Variants in PIKFYVE observed in about 807,000 individuals in gnomAD.
The protein encoded by PIKFYVE is phosphoinositide kinase, FYVE-type zinc finger containing, also known as 1-phosphatidylinositol 3-phosphate 5-kinase.
In PIKFYVE, 122 loss-of-function variants were observed where a neutral mutation model predicts 257.9. The observed-to-expected ratio is 0.47, with a 90% CI of 0.41 to 0.55. PIKFYVE has a LOEUF of 0.55. PIKFYVE is among the 20% of genes least tolerant of loss of function. The pLI, the probability that PIKFYVE is intolerant of heterozygous loss-of-function variation, is 0.00. For synonymous variants in PIKFYVE, 892 were observed against 868.9 expected, an observed-to-expected ratio of 1.03 and a Z score of -0.47; for missense variants, 2,160 against 2,536.6, an observed-to-expected ratio of 0.85 and a Z score of 3.19.
chr2:208,286,605 T>C (rs1024768801), intron 6 of PIKFYVE, among the ~76,000 whole-genome samples: 18 of 152,138 alleles, frequency 1.2e-4, no homozygotes, highest in African/African-American at 4.3e-4. Flanking sequence ...GGCGTGATCA[T>C]AGCTCAGGGC....
chr2:208,324,052 C>T (rs1006577437), intron 17 of PIKFYVE, 90 bp from the exon 18 acceptor site: 120 of 1,419,238 alleles, frequency 8.5e-5, no homozygotes, highest in African/African-American at 4.5e-4. Context: ...TTCTCCCATT[C>T]TGTAGGTTGC....
chr2:208,309,672 C>T (rs1694738828), intron 12 of PIKFYVE, among the ~76,000 whole-genome samples: 1 of 152,170 alleles, frequency 6.6e-6, no homozygotes, highest in African/African-American at 2.4e-5. Context: ...ATTTATTTTG[C>T]ATATGGCTGA....
At chr2:208,280,870 GCT>G (rs1690716211) in intron 5 of PIKFYVE, among the ~76,000 whole-genome samples, 1 of 152,136 alleles carries the variant, frequency 6.6e-6, no homozygotes, top group Non-Finnish European at 1.5e-5. Flanking sequence ...CATCTCTTAG[GCT>G]ATTCTGATTA....
intron 7 of PIKFYVE, among the ~76,000 whole-genome samples, chr2:208,292,830 A>G (rs1692484399): frequency 6.6e-6 from 1 of 152,004 alleles, no homozygotes; most frequent in African/African-American, 2.4e-5. Context: ...TCTTGTAGAC[A>G]ATGTATTTTT....
rs1693329459 is a variant in PIKFYVE at position 208,298,902 on chromosome 2, G to C, written c.1050+123G>C. 4 of 1,275,346 alleles carry C rather than the reference G, an allele frequency of 3.1e-6. No individual in the cohort carries two copies. In the Admixed American group the frequency reaches 5.9e-5, roughly 19 times the overall value. The allele number at this position is 1,275,346 out of a possible 1,614,324, so 79.0% of individuals were successfully genotyped here. The stretch of plus-strand genomic sequence containing the variant: ...GTGCTGCCCAGGCTGGGGTGCAGTG[G>C]TGTGATCTTGGCTCCCTGCAACCTC... On this transcript the variant is annotated intron_variant, in intron 8 of 41. Transcript: ENST00000264380.
intron 38 of PIKFYVE, among the ~76,000 whole-genome samples, chr2:208,352,382 G>A (rs1474811174): frequency 3.3e-5 from 5 of 151,790 alleles, no homozygotes; most frequent in South Asian, 2.1e-4. Flanking sequence ...GGTTTATTAC[G>A]TAGTATTGGG....
At chr2:208,323,690 T>A (rs557308653) in intron 17 of PIKFYVE, among the ~76,000 whole-genome samples, 6 of 152,340 alleles carry the variant, frequency 3.9e-5, no homozygotes, top group Admixed American at 3.3e-4. Flanking sequence ...CACCACACTG[T>A]CTTCCACAAT....
At position 208,321,607 on chromosome 2, in the gene PIKFYVE, C is replaced by G. The variant is rs1413724391; in HGVS notation, c.2190+1248C>G. On this transcript the variant is annotated intron_variant, in intron 17 of 41. Transcript: ENST00000264380. ...TTTTTTTTTTTTTGAGACGAAGTCT[C>G]GCTCTTGTCCCCCAGGCTGGAGCGC... Among the ~76,000 whole-genome samples, 25 of 125,826 alleles carry G rather than the reference C, an allele frequency of 2.0e-4. No homozygotes were observed. The South Asian group carries it at 2.4e-3, about 12-fold the overall frequency. The allele number at this position is 125,826 out of a possible 152,430, so 82.5% of individuals were successfully genotyped here. A position where few individuals can be genotyped will look rare whatever the true frequency, so the allele number is the denominator to read the frequency against.
chr2:208,345,978 T>G (rs1699188282), intron 33 of PIKFYVE, 72 bp from the exon 34 acceptor site: 1 of 1,036,124 alleles, frequency 9.7e-7, no homozygotes, highest in Non-Finnish European at 1.5e-6. Context: ...GCGTAATTAG[T>G]GTAGAGTACT....
chr2:208,354,547 A>T, intron 40 of PIKFYVE, 24 bp from the exon 41 acceptor site: 1 of 1,565,518 alleles, frequency 6.4e-7, no homozygotes, highest in Non-Finnish European at 8.8e-7. Context: ...CTTTATTGCT[A>T]ATTTCACTCC....
chr2:208,346,235 T>C (rs1171975106), intron 34 of PIKFYVE, 88 bp downstream of exon 34: 7 of 1,051,462 alleles, frequency 6.7e-6, no homozygotes, highest in Admixed American at 3.7e-5. Context: ...AAATAAGTAC[T>C]ATCTGGCAAT....
chr2:208,276,593 G>C, intron 3 of PIKFYVE, 119 bp from the exon 4 acceptor site: 2 of 786,796 alleles, frequency 2.5e-6, no homozygotes, highest in Non-Finnish European at 4.6e-6. Context: ...TCATATAACC[G>C]GGTGGGAGAA....
chr2:208,346,074 T>C lies in PIKFYVE; in HGVS notation c.5136T>C (p.Ser1712=), dbSNP rs1574739917. 1 of 1,613,182 alleles carries C rather than the reference T, an allele frequency of 6.2e-7. No individual in the cohort carries two copies. The highest frequency in any genetic ancestry group is 1.7e-5 in the Admixed American group (1 of 59,992). ...GTACTTCAGATAGCAGACCAAAGAGTAGCAGCCCTATCAGATTACCTGAAA... is the reference window on the plus strand; with the variant it reads ...GTACTTCAGATAGCAGACCAAAGAGCAGCAGCCCTATCAGATTACCTGAAA... ...TNSTSDSRPK[S]SSPIRLPEMS... The change falls in exon 34 of 42, where the codon AGT becomes AGC. Residue 1712 remains serine (S), a synonymous_variant. Coordinates refer to ENST00000264380, the MANE Select transcript of PIKFYVE (RefSeq NM_015040.4).
intron 2 of PIKFYVE, among the ~76,000 whole-genome samples, chr2:208,272,241 T>A (rs2028144): frequency 0.98 from 148,137 of 150,794 alleles, 72,797 homozygotes; most frequent in East Asian, 1. Flanking sequence ...TCTCAAAAAA[T>A]AAAAATAAAA....
chr2:208,326,187 C>G lies in PIKFYVE; in HGVS notation c.3376C>G (p.Gln1126Glu). The G allele has an allele frequency of 1.2e-6, 2 of 1,609,880 alleles. No individual in the cohort carries two copies. Among genetic ancestry groups the G allele is most frequent in the Non-Finnish European group, 1.7e-6 (2 of 1,177,922 alleles). Residue 1126 changes from glutamine to glutamate, a missense_variant, in exon 20 of 42, where the codon CAA becomes GAA. Gln to Glu is a conservative substitution (Grantham distance 29). Around this residue, in one of 12 missense-constraint regions of PIKFYVE, gnomAD observed 522 missense variants for 514.6 expected, o/e 1.01. Coordinates refer to ENST00000264380, the MANE Select transcript of PIKFYVE (RefSeq NM_015040.4). ...TGGAAGTATTCAGGCCAAGTCTATT[C>G]AAGTCTTACCCTCACATGAGCTAGT... Reference protein sequence around the residue: ...MNGSIQAKSIQVLPSHELVST... With the variant: ...MNGSIQAKSIEVLPSHELVST...
chr2:208,285,191 G>A (rs1259051247), intron 5 of PIKFYVE, among the ~76,000 whole-genome samples: 1 of 152,126 alleles, frequency 6.6e-6, no homozygotes, highest in Non-Finnish European at 1.5e-5. Context: ...CGCCTCCCGG[G>A]TTCAAGCAAT....
chr2:208,306,750 C>G (rs1055591593), intron 12 of PIKFYVE, among the ~76,000 whole-genome samples: 1 of 150,088 alleles, frequency 6.7e-6, no homozygotes. Flanking sequence ...AAATATGACC[C>G]CTTTTGAACC....
chr2:208,281,100 T>C (rs566100971), intron 5 of PIKFYVE, among the ~76,000 whole-genome samples: 84 of 152,360 alleles, frequency 5.5e-4, no homozygotes, highest in Non-Finnish European at 9.1e-4. Flanking sequence ...CACAAATTTA[T>C]TTCTCATAGT....
chr2:208,349,060 G>A (rs1699511417), intron 35 of PIKFYVE, among the ~76,000 whole-genome samples: 1 of 152,118 alleles, frequency 6.6e-6, no homozygotes, highest in Admixed American at 6.6e-5. Flanking sequence ...CTACTTGGGA[G>A]GCTGAGGCAC....
Sources: allele counts gnomAD v4.1 joint callset (sites outside exome capture counted in the v4.1 genomes callset), GRCh38; gene constraint gnomAD v4.1.1; regional missense constraint gnomAD v4.1.1; transcripts MANE v1.5; gene names NCBI Gene and HGNC (gene_info 2026-07-23, HGNC 2026-07-21).